The following RIMS1 variants were observed in gnomAD, a reference collection of about 807,000 sequenced individuals.
RIMS1 encodes regulating synaptic membrane exocytosis protein 1.
RIMS1 carries 83 observed loss-of-function variants against 214.1 expected under a neutral mutation model. The ratio of observed to expected loss-of-function variants is 0.39; its 90% CI spans 0.32 to 0.47. RIMS1 has a LOEUF of 0.47. RIMS1 is among the 20% of genes least tolerant of loss of function. RIMS1 has a pLI of 0.99. For missense variants in RIMS1, 2,050 were observed against 2,161.8 expected, an observed-to-expected ratio of 0.95 and a Z score of 1.03; for synonymous variants, 793 against 786.8, an observed-to-expected ratio of 1.01 and a Z score of -0.13.
chr6:72,099,313 T>TC (rs1311745512), intron 3 of RIMS1, among the ~76,000 whole-genome samples: 1 of 152,132 alleles, frequency 6.6e-6, no homozygotes, highest in Admixed American at 6.6e-5. Context: ...ACTAAACCCA[T>TC]CCAATCTTGG....
intron 2 of RIMS1, among the ~76,000 whole-genome samples, chr6:72,064,699 A>T (rs919591996): frequency 0.024 from 3 of 126 alleles, no homozygotes; most frequent in Non-Finnish European, 0.024. Context: ...ATGAAGTTTA[A>T]AAAAAAATGT....
intron 4 of RIMS1, among the ~76,000 whole-genome samples, chr6:72,170,519 A>G (rs912486545): frequency 5.3e-5 from 8 of 151,706 alleles, no homozygotes; most frequent in Non-Finnish European, 4.4e-5. Flanking sequence ...AATTTTTTGT[A>G]TTTTTAGTAG....
At chr6:71,943,257 C>T (rs897006904) in intron 1 of RIMS1, among the ~76,000 whole-genome samples, 3 of 152,098 alleles carry the variant, frequency 2.0e-5, no homozygotes, top group African/African-American at 7.2e-5. Flanking sequence ...TCTGACTATG[C>T]TTAGCTATTT....
chr6:71,931,325 C>A (rs561087738), intron 1 of RIMS1, among the ~76,000 whole-genome samples: 5 of 151,798 alleles, frequency 3.3e-5, no homozygotes, highest in South Asian at 2.1e-4. Context: ...AGATTTGACC[C>A]GAAGAAACAC....
In RIMS1 at chr6:72,183,027, C is replaced by T. The variant is rs886061707; in HGVS notation, c.1556C>T (p.Ser519Phe). 7 of 1,601,100 alleles carry T rather than the reference C, an allele frequency of 4.4e-6. No individual in the cohort carries two copies. The highest frequency in any genetic ancestry group is 1.7e-4 in the Middle Eastern group (1 of 6,044). ...CCGTCCCCGCCCAAGCCGCACCGGT[C>T]CAAGAGAGGCGGCAAGAAGCGGCAG... ...VRPSPPKPHR[S>F]KRGGKKRQMS... Residue 519 changes from serine (S) to phenylalanine (F), a missense_variant, in exon 6 of 34, where the codon TCC becomes TTC. Around this residue, in one of 6 missense-constraint regions of RIMS1, gnomAD observed 882 missense variants for 828.9 expected, o/e 1.06. Transcript: ENST00000521978.
intron 2 of RIMS1, among the ~76,000 whole-genome samples, chr6:72,013,985 T>C (rs1325521083): frequency 6.6e-6 from 1 of 152,220 alleles, no homozygotes; most frequent in Non-Finnish European, 1.5e-5. Flanking sequence ...ACACAATATA[T>C]GGTCTTTTAT....
intron 1 of RIMS1, among the ~76,000 whole-genome samples, chr6:71,899,447 C>CAT (rs1772879730): frequency 6.6e-6 from 1 of 151,622 alleles, no homozygotes; most frequent in African/African-American, 2.4e-5. Context: ...TGGCTACTCA[C>CAT]ATATATATCT....
chr6:72,216,217 A>G (rs2055938281), intron 6 of RIMS1, among the ~76,000 whole-genome samples: 1 of 152,228 alleles, frequency 6.6e-6, no homozygotes, highest in Non-Finnish European at 1.5e-5. Context: ...ATGAAGTAAA[A>G]TGTAGGTGAC....
intron 2 of RIMS1, among the ~76,000 whole-genome samples, chr6:72,066,062 A>G (rs1378378375): frequency 6.6e-6 from 1 of 152,152 alleles, no homozygotes; most frequent in Non-Finnish European, 1.5e-5. Flanking sequence ...AGTTGTATAT[A>G]TGCAGGTGAA....
chr6:72,201,881 G>A (rs939834483), intron 6 of RIMS1, among the ~76,000 whole-genome samples: 5 of 152,042 alleles, frequency 3.3e-5, no homozygotes, highest in South Asian at 2.1e-4. Context: ...TTTGCTTGCC[G>A]TCACCAGTCC....
At position 72,108,549 on chromosome 6, in the gene RIMS1, G is replaced by A. The variant is rs181921767; in HGVS notation, c.471+8563G>A. ...TTTATTTAAACTTCTGTCTTTTCAT[G>A]GAGATTGAGGAAACAAAAGACTATC... On this transcript the variant is annotated intron_variant, in intron 4 of 33. Transcript: ENST00000521978. 1.7e-3 allele frequency among the ~76,000 whole-genome samples: 261 copies of A among 152,016 alleles called. 2 individuals are homozygous for A. Among genetic ancestry groups the A allele is most frequent in the Non-Finnish European group, 4.9e-4 (33 of 67,988 alleles).
At chr6:72,189,439 A>G (rs545815289) in intron 6 of RIMS1, among the ~76,000 whole-genome samples, 2 of 152,358 alleles carry the variant, frequency 1.3e-5, no homozygotes, top group African/African-American at 4.8e-5. Flanking sequence ...GACAGTAGAT[A>G]AGGCATTCCA....
intron 2 of RIMS1, among the ~76,000 whole-genome samples, chr6:71,992,077 G>GA (rs550715766): frequency 2.7e-4 from 39 of 146,040 alleles, no homozygotes; most frequent in East Asian, 4.0e-4. Context: ...AAAAGAAAAA[G>GA]AAAAAAAAAA....
At chr6:72,262,098 T>A in intron 19 of RIMS1, 1 of 984,930 alleles carries the variant, frequency 1.0e-6, no homozygotes, top group Non-Finnish European at 1.2e-6. Context: ...TATTTTAAGC[T>A]ACTTAGTGTG....
chr6:71,902,456 T>A (rs1773943467), intron 1 of RIMS1, among the ~76,000 whole-genome samples: 3 of 151,498 alleles, frequency 2.0e-5, no homozygotes, highest in African/African-American at 7.3e-5. Context: ...AAAAGAAGAG[T>A]CTTTGATTTG....
At chr6:72,251,563 A>G (rs902115698) in intron 15 of RIMS1, among the ~76,000 whole-genome samples, 195 bp downstream of exon 15, 2 of 152,208 alleles carry the variant, frequency 1.3e-5, no homozygotes, top group Admixed American at 1.3e-4. Flanking sequence ...AGCATAGCAG[A>G]GTAATTGCAG....
At chr6:72,267,251 TAATTTCA>T (rs1203047509) in intron 22 of RIMS1, among the ~76,000 whole-genome samples, 1 of 152,124 alleles carries the variant, frequency 6.6e-6, no homozygotes, top group Non-Finnish European at 1.5e-5. Context: ...CTTCCCCAAA[TAATTTCA>T]AGAGTAGCAA....
intron 1 of RIMS1, among the ~76,000 whole-genome samples, chr6:71,941,366 C>G (rs1029647418): frequency 5.3e-5 from 8 of 152,130 alleles, no homozygotes; most frequent in African/African-American, 1.9e-4. Context: ...ACAAAAGTGG[C>G]AATCATAATT....
chr6:72,149,035 C>T (rs775649055), intron 4 of RIMS1, among the ~76,000 whole-genome samples: 5 of 152,136 alleles, frequency 3.3e-5, no homozygotes, highest in Non-Finnish European at 1.5e-5. Flanking sequence ...CCTTTATTCA[C>T]AGGACTTTGT....
Sources: gnomAD v4.1 joint callset for allele counts (sites outside exome capture counted in the v4.1 genomes callset) on GRCh38, gnomAD v4.1.1 for gene constraint, gnomAD v4.1.1 regional missense constraint, MANE v1.5 for transcripts, NCBI Gene and HGNC (gene_info 2026-07-23, HGNC 2026-07-21) for gene names.